JAZF1: variants seen among roughly 807,000 people sequenced by gnomAD.
JAZF1 encodes JAZF zinc finger 1.
Under a neutral mutation model 26.4 loss-of-function variants are expected in JAZF1, and 8 were observed. That is an observed-to-expected ratio of 0.30 (90% confidence interval 0.18 to 0.55). The LOEUF is 0.55. JAZF1 is among the 20% of genes least tolerant of loss of function. JAZF1 has a pLI of 0.94. For synonymous variants in JAZF1, 126 were observed against 122.3 expected (o/e 1.03, Z -0.20); for missense variants, 199 against 322.0 (o/e 0.62, Z 2.92).
chr7:27,985,433 A>G (rs1313302302), intron 2 of JAZF1, among the ~76,000 whole-genome samples: 7 of 152,206 alleles, frequency 4.6e-5, no homozygotes, highest in African/African-American at 1.7e-4. Flanking sequence ...TAGACCAATA[A>G]CAGGTTCTGA....
chr7:27,867,507 A>G (rs1783494983), intron 3 of JAZF1, among the ~76,000 whole-genome samples: 1 of 152,212 alleles, frequency 6.6e-6, no homozygotes, highest in Non-Finnish European at 1.5e-5. Context: ...CTGATTTTTA[A>G]GAAGGCTATT....
intron 1 of JAZF1, among the ~76,000 whole-genome samples, chr7:28,136,588 C>A (rs1030168898): frequency 2.0e-5 from 3 of 152,236 alleles, no homozygotes; most frequent in African/African-American, 7.2e-5. Flanking sequence ...GATTAGACAG[C>A]TCAAATCCAT....
chr7:28,065,492 A>C (rs909584651), intron 1 of JAZF1, among the ~76,000 whole-genome samples: 4 of 152,170 alleles, frequency 2.6e-5, no homozygotes, highest in Non-Finnish European at 5.9e-5. Context: ...TTATTGCACA[A>C]TGTTTCACAG....
intron 1 of JAZF1, among the ~76,000 whole-genome samples, chr7:28,178,830 C>T (rs1338114171): frequency 6.6e-6 from 1 of 152,208 alleles, no homozygotes; most frequent in Non-Finnish European, 1.5e-5. Context: ...ATTACAAGGA[C>T]GCCTGAAAAC....
intron 1 of JAZF1, among the ~76,000 whole-genome samples, chr7:28,165,168 C>T (rs1265753611): frequency 6.6e-6 from 1 of 151,752 alleles, no homozygotes; most frequent in Non-Finnish European, 1.5e-5. Context: ...CACTCTGTAT[C>T]AAAAGAAAAA....
chr7:28,175,807 C>T (rs1382882989), intron 1 of JAZF1, among the ~76,000 whole-genome samples: 4 of 152,216 alleles, frequency 2.6e-5, no homozygotes, highest in Admixed American at 1.3e-4. Flanking sequence ...TACACATCAG[C>T]CACGAAAGCT....
chr7:27,976,698 T>TG (rs1335231316), intron 2 of JAZF1, among the ~76,000 whole-genome samples: 28 of 147,666 alleles, frequency 1.9e-4, no homozygotes, highest in African/African-American at 6.9e-4. Flanking sequence ...GGTGGTTTCA[T>TG]GAAAAAAAAA....
At chr7:28,141,842 T>C (rs978379473) in intron 1 of JAZF1, among the ~76,000 whole-genome samples, 1 of 152,168 alleles carries the variant, frequency 6.6e-6, no homozygotes, top group Non-Finnish European at 1.5e-5. Context: ...AATGAAAAAG[T>C]TTCACAAAAC....
chr7:28,004,809 C>T (rs946291128), intron 1 of JAZF1, among the ~76,000 whole-genome samples: 4 of 152,134 alleles, frequency 2.6e-5, no homozygotes, highest in African/African-American at 9.7e-5. Flanking sequence ...TGCACCACCA[C>T]ACCTAGCTAA....
intron 1 of JAZF1, among the ~76,000 whole-genome samples, chr7:28,070,792 A>C (rs1583543559): frequency 6.6e-6 from 1 of 152,222 alleles, no homozygotes; most frequent in South Asian, 2.1e-4. Context: ...ACAAAGCCTA[A>C]CATTTCACAA....
intron 1 of JAZF1, among the ~76,000 whole-genome samples, chr7:28,123,502 C>A (rs1209404798): frequency 6.6e-6 from 1 of 152,182 alleles, no homozygotes; most frequent in African/African-American, 2.4e-5. Flanking sequence ...ACCCCAGTGA[C>A]CAGCACAGTA....
intron 1 of JAZF1, 31 bp from the exon 2 acceptor site, chr7:27,992,012 T>A (rs1260507495): frequency 2.9e-6 from 4 of 1,360,008 alleles, no homozygotes. Flanking sequence ...CGATTTTTTT[T>A]AGATTTTGCA....
rs148749112 is a variant in JAZF1 at position 28,109,997 on chromosome 7, T to C, written c.115+70466A>G. On this transcript the variant is annotated intron_variant, in intron 1 of 4. Coordinates refer to ENST00000283928, the MANE Select transcript of JAZF1 (RefSeq NM_175061.4). ...GCAAAGGTTACATTACAAACTACAC[T>C]AGATATTTTTTTAAGGAACAGTTGC... 3.7e-3 allele frequency among the ~76,000 whole-genome samples: 569 copies of C among 152,250 alleles called. 1 individual carries two copies. Among genetic ancestry groups the C allele is most frequent in the African/African-American group, 0.013 (546 of 41,542 alleles).
At chr7:28,170,123 C>A (rs1478301799) in intron 1 of JAZF1, among the ~76,000 whole-genome samples, 3 of 151,842 alleles carry the variant, frequency 2.0e-5, no homozygotes, top group African/African-American at 7.3e-5. Flanking sequence ...AAAAAAAAAT[C>A]TTTAAAATAA....
chr7:28,110,610 AAAGGAAAAGG>A lies in JAZF1; in HGVS notation c.115+69843_115+69852del, dbSNP rs1217062118. 4.5e-3 allele frequency among the ~76,000 whole-genome samples: 287 copies of A among 64,118 alleles called. 10 individuals are homozygous for A. Among genetic ancestry groups the A allele is most frequent in the East Asian group, 0.029 (80 of 2,786 alleles). The allele number at this position is 64,118 out of a possible 152,430, so 42.1% of individuals were successfully genotyped here. A position where few individuals can be genotyped will look rare whatever the true frequency, so the allele number is the denominator to read the frequency against. On this transcript the variant is annotated intron_variant, in intron 1 of 4. Transcript: ENST00000283928. ...GAAAAGGAAAAGGAAAAGGAAAAGG[AAAGGAAAAGG>A]AAAGGAAAGGAAAGGAAAAGGAAAG... is the stretch of plus-strand genomic sequence containing the variant.
At chr7:27,952,362 C>A (rs1785024822) in intron 2 of JAZF1, among the ~76,000 whole-genome samples, 1 of 152,272 alleles carries the variant, frequency 6.6e-6, no homozygotes. Context: ...GGGACCGATC[C>A]CAGCACCCAA....
At chr7:28,088,106 G>C (rs1784237795) in intron 1 of JAZF1, among the ~76,000 whole-genome samples, 1 of 152,102 alleles carries the variant, frequency 6.6e-6, no homozygotes, top group Non-Finnish European at 1.5e-5. Context: ...GAAAACCAGG[G>C]GGTCTGAAAA....
chr7:27,987,837 G>A (rs1177843203), intron 2 of JAZF1, among the ~76,000 whole-genome samples: 1 of 152,226 alleles, frequency 6.6e-6, no homozygotes, highest in Non-Finnish European at 1.5e-5. Context: ...ATTTTGTTCT[G>A]TACTAAGAAA....
At chr7:28,153,714 G>A (rs530790066) in intron 1 of JAZF1, among the ~76,000 whole-genome samples, 47 of 152,230 alleles carry the variant, frequency 3.1e-4, no homozygotes, top group African/African-American at 1.1e-3. Context: ...ATGGCTTCCA[G>A]AGCCTTCATT....
Sources: gnomAD v4.1 joint callset for allele counts (sites outside exome capture counted in the v4.1 genomes callset) on GRCh38, gnomAD v4.1.1 for gene constraint, MANE v1.5 for transcripts, NCBI Gene and HGNC (gene_info 2026-07-23, HGNC 2026-07-21) for gene names.